Variants in CD82 observed in about 807,000 individuals in gnomAD.
CD82 encodes CD82 molecule.
CD82 carries 36 observed loss-of-function variants against 37.4 expected under a neutral mutation model. The observed-to-expected ratio is 0.96, with a 90% CI of 0.74 to 1.27. The LOEUF is 1.27. Ranked by LOEUF, CD82 falls within the 50% of genes most tolerant of loss-of-function variation. CD82 has a pLI of 0.00. For synonymous variants in CD82, 158 were observed against 137.4 expected (o/e 1.15, Z -1.05); for missense variants, 340 against 347.0 (o/e 0.98, Z 0.16).
chr11:44,603,106 A>G (rs1853331863), intron 4 of CD82, among the ~76,000 whole-genome samples: 1 of 152,134 alleles, frequency 6.6e-6, no homozygotes, highest in South Asian at 2.1e-4. Flanking sequence ...GGAAGCCTCA[A>G]CCCAGGAAGT....
chr11:44,611,842 A>G (rs1565094395), intron 6 of CD82, among the ~76,000 whole-genome samples: 1 of 152,126 alleles, frequency 6.6e-6, no homozygotes, highest in African/African-American at 2.4e-5. Flanking sequence ...TGGTGTTTCC[A>G]TGGAAACCAC....
intron 1 of CD82, 73 bp from the exon 2 acceptor site, chr11:44,587,398 AAGTG>A: frequency 2.2e-6 from 1 of 453,188 alleles, no homozygotes; most frequent in Non-Finnish European, 4.5e-6. Flanking sequence ...CCTGGATTTA[AAGTG>A]AGTATGTCTT....
intron 7 of CD82, among the ~76,000 whole-genome samples, chr11:44,617,206 C>T (rs974336002): frequency 3.3e-5 from 5 of 152,158 alleles, no homozygotes; most frequent in African/African-American, 1.2e-4. Context: ...TCCTTTAGCA[C>T]ACAGAGCCCG....
chr11:44,610,584 G>T (rs1435768446), intron 6 of CD82, among the ~76,000 whole-genome samples: 1 of 152,180 alleles, frequency 6.6e-6, no homozygotes, highest in Non-Finnish European at 1.5e-5. Context: ...GGACAGCAGG[G>T]TCATGGGGAG....
At chr11:44,574,878 G>A (rs117170259) in intron 1 of CD82, among the ~76,000 whole-genome samples, 3,709 of 152,288 alleles carry the variant, frequency 0.024, 58 homozygotes, top group South Asian at 0.045. Context: ...CTGTGACCTG[G>A]TTAAGCATTC....
At position 44,601,585 on chromosome 11, in the gene CD82, C is replaced by T. The variant is rs148608732; in HGVS notation, c.136+1355C>T. On this transcript the variant is annotated intron_variant, in intron 4 of 9. Coordinates refer to ENST00000227155, the MANE Select transcript of CD82 (RefSeq NM_002231.4). The stretch of plus-strand genomic sequence containing the variant: ...TGCCCACCCACATTTCTGCCCTCTG[C>T]GCCCTGCCCTGCAACTGGCGCAGTG... Among the ~76,000 whole-genome samples the T allele has an allele frequency of 1.2e-3, 176 of 152,338 alleles. 5 individuals are homozygous for T. In the East Asian group the frequency reaches 0.028, roughly 25 times the overall value.
At chr11:44,612,557 A>G (rs1853498902) in intron 6 of CD82, among the ~76,000 whole-genome samples, 1 of 139,670 alleles carries the variant, frequency 7.2e-6, no homozygotes, top group African/African-American at 2.7e-5. Flanking sequence ...TTTTTTAAAT[A>G]TCATGCTGAG....
Position 44,618,947 on chromosome 11 carries a change from G to T in CD82, c.727-102G>T, listed in dbSNP as rs1191589310. ...ATCACAGGGTGGTTGTGAGGCTCAA[G>T]TTGAGGATCCACTTAATCCCCATGT... is the stretch of plus-strand genomic sequence containing the variant. On this transcript the variant is annotated intron_variant, in intron 9 of 9. Coordinates refer to ENST00000227155, the MANE Select transcript of CD82 (RefSeq NM_002231.4). 2.8e-6 allele frequency: 3 copies of T among 1,090,788 alleles called. No homozygotes were observed. The African/African-American group carries it at 4.6e-5, about 17-fold the overall frequency. 67.6% of individuals were successfully genotyped at this position (1,090,788 alleles called of 1,614,324 possible).
intron 9 of CD82, 39 bp from the exon 10 acceptor site, chr11:44,619,010 A>G (rs2134700685): frequency 2.6e-6 from 4 of 1,558,068 alleles, no homozygotes; most frequent in East Asian, 4.5e-5. Context: ...TGAGGCCGGG[A>G]CACCCAGCCT....
intron 6 of CD82, among the ~76,000 whole-genome samples, chr11:44,613,843 CA>C (rs10709853): frequency 0.52 from 75,149 of 144,978 alleles, 19,952 homozygotes; most frequent in East Asian, 0.82. Context: ...CAAAGCAAAA[CA>C]AAAAAAAAAA....
At chr11:44,612,202 G>A (rs1853492308) in intron 6 of CD82, among the ~76,000 whole-genome samples, 1 of 152,234 alleles carries the variant, frequency 6.6e-6, no homozygotes, top group African/African-American at 2.4e-5. Flanking sequence ...TAGCCGTGTG[G>A]TTTAAATGCC....
At chr11:44,615,908 A>G (rs1853557291) in intron 7 of CD82, among the ~76,000 whole-genome samples, 2 of 152,086 alleles carry the variant, frequency 1.3e-5, no homozygotes, top group South Asian at 4.1e-4. Context: ...AGTGAGAGAG[A>G]TGGATGGATG....
intron 1 of CD82, among the ~76,000 whole-genome samples, chr11:44,571,875 G>A (rs1349265861): frequency 6.6e-6 from 1 of 152,194 alleles, no homozygotes; most frequent in East Asian, 1.9e-4. Flanking sequence ...CGGTGTTTTT[G>A]GTAGTGCTGT....
chr11:44,604,782 G>A (rs750221375), intron 4 of CD82: 76 of 484,812 alleles, frequency 1.6e-4, no homozygotes, highest in Non-Finnish European at 2.8e-4. Flanking sequence ...GTGAAATGTA[G>A]TCTATTCAAT....
chr11:44,605,038 G>T lies in CD82; in HGVS notation c.137-20G>T. On this transcript the variant is annotated intron_variant, in intron 4 of 9. Coordinates refer to ENST00000227155, the MANE Select transcript of CD82 (RefSeq NM_002231.4). Reference sequence around the variant, plus strand: ...TATACCTGCTGTGCCCACTGATTTTGTACTTCTTCTTCCCCCTAGAAACCT... The same window carrying T: ...TATACCTGCTGTGCCCACTGATTTTTTACTTCTTCTTCCCCCTAGAAACCT... 2 of 1,614,166 alleles carry T rather than the reference G, an allele frequency of 1.2e-6. No individual in the cohort carries two copies. The highest frequency in any genetic ancestry group is 1.7e-6 in the Non-Finnish European group (2 of 1,180,016).
At chr11:44,581,236 G>T (rs1413643502) in intron 1 of CD82, among the ~76,000 whole-genome samples, 1 of 152,188 alleles carries the variant, frequency 6.6e-6, no homozygotes, top group Non-Finnish European at 1.5e-5. Flanking sequence ...TGACAGTAAA[G>T]CTCAGGGGCT....
At chr11:44,584,477 G>A (rs907346032) in intron 1 of CD82, among the ~76,000 whole-genome samples, 1 of 152,106 alleles carries the variant, frequency 6.6e-6, no homozygotes, top group Non-Finnish European at 1.5e-5. Context: ...TAGCAGAGAT[G>A]GAGTTTCACC....
Position 44,594,984 on chromosome 11 carries a change from C to A in CD82, c.63+259C>A, listed in dbSNP as rs7102700. ...CTAGATCACCCAAAGCCTGGGCTGG[C>A]GGTGGGTATGGGGAAGGAGAGGAGA... is the stretch of plus-strand genomic sequence containing the variant. On this transcript the variant is annotated intron_variant, in intron 3 of 9. Coordinates refer to ENST00000227155, the MANE Select transcript of CD82 (RefSeq NM_002231.4). 965 of 515,228 alleles carry A rather than the reference C, an allele frequency of 1.9e-3. 6 individuals are homozygous for A. The highest frequency in any genetic ancestry group is 2.7e-3 in the South Asian group (130 of 47,278). 31.9% of individuals were successfully genotyped at this position (515,228 alleles called of 1,614,324 possible).
chr11:44,609,995 G>A (rs144323169), intron 6 of CD82, among the ~76,000 whole-genome samples: 350 of 152,290 alleles, frequency 2.3e-3, no homozygotes, highest in African/African-American at 8.0e-3. Context: ...GTACTGGGAT[G>A]CAGCCTCTGA....
Sources: gnomAD v4.1 joint callset for allele counts (sites outside exome capture counted in the v4.1 genomes callset) on GRCh38, gnomAD v4.1.1 for gene constraint, MANE v1.5 for transcripts, NCBI Gene and HGNC (gene_info 2026-07-23, HGNC 2026-07-21) for gene names.